The following TJP3 variants were observed in gnomAD, a reference collection of about 807,000 sequenced individuals.
TJP3 encodes tight junction protein 3.
Under a neutral mutation model 104.2 loss-of-function variants are expected in TJP3, and 85 were observed. That is an observed-to-expected ratio of 0.82 (90% CI 0.68 to 0.98). The LOEUF (loss-of-function observed/expected upper bound fraction) is 0.98. Ranked by LOEUF, TJP3 falls within the 50% of genes least tolerant of loss-of-function variation. The probability of loss-of-function intolerance (pLI) is 0.00; values close to 1 mark genes in which losing one functional copy is unlikely to be tolerated. For missense variants in TJP3, 1,367 were observed against 1,322.8 expected, an observed-to-expected ratio of 1.03 and a Z score of -0.52; for synonymous variants, 550 against 550.6, an observed-to-expected ratio of 1.00 and a Z score of 0.02.
At chr19:3,723,926 A>G (rs1446932063) in intron 1 of TJP3, among the ~76,000 whole-genome samples, 1 of 151,884 alleles carries the variant, frequency 6.6e-6, no homozygotes, top group African/African-American at 2.4e-5. Context: ...TTGAGCCTAG[A>G]CCTCAGTGGC....
Position 3,730,572 on chromosome 19 carries a change from A to G in TJP3, c.479A>G (p.His160Arg), listed in dbSNP as rs1318485453. The G allele has an allele frequency of 3.7e-6, 6 of 1,608,362 alleles. No individual in the cohort carries two copies. The highest frequency in any genetic ancestry group is 5.1e-6 in the Non-Finnish European group (6 of 1,179,162). ...RPGRRGRAGSHGRRSPGGGSE... is the reference protein window; with the variant it reads ...RPGRRGRAGSRGRRSPGGGSE... ...GGTCGCCGGGGCCGGGCCGGCAGCC[A>G]TGGGCGTAGGAGCCCAGGTGGTGGC... The change falls in exon 5 of 21, where the codon CAT (histidine) becomes CGT (arginine). Residue 160 changes from histidine to arginine, a missense_variant. His to Arg is a conservative substitution (Grantham distance 29). Coordinates refer to ENST00000541714, the MANE Select transcript of TJP3 (RefSeq NM_001267560.2). The surrounding 1 kb of genome is among the most constrained non-coding windows in gnomAD (Gnocchi z 7.3).
chr19:3,750,114 G>A (rs1034195299), intron 19 of TJP3, 24 bp from the exon 20 acceptor site: 2 of 1,613,944 alleles, frequency 1.2e-6, no homozygotes, highest in African/African-American at 2.7e-5. Context: ...GAGTTTTGAA[G>A]CTCCTCTCTC....
chr19:3,744,806 T>C (rs865786111), intron 15 of TJP3, among the ~76,000 whole-genome samples: 11 of 152,224 alleles, frequency 7.2e-5, no homozygotes, highest in Non-Finnish European at 1.2e-4. Context: ...CGCATGCCTG[T>C]AATCCCAGCT....
rs1386706572 is a variant in TJP3, at chr19:3,743,925, T to A, written c.1844-14T>A. 1.2e-6 allele frequency: 2 copies of A among 1,613,558 alleles called. No individual in the cohort carries two copies. The highest frequency in any genetic ancestry group is 3.3e-5 in the Admixed American group (2 of 59,980). On this transcript the variant is annotated splice_polypyrimidine_tract_variant and intron_variant, in intron 14 of 20. Coordinates refer to ENST00000541714, the MANE Select transcript of TJP3 (RefSeq NM_001267560.2). ...ATGGGACCCTGATTCTTTCACTGTG[T>A]CTCTACCCCTCAGCCAGTTTCAAGC...
intron 14 of TJP3, among the ~76,000 whole-genome samples, chr19:3,741,158 G>C (rs1344604972): frequency 1.3e-5 from 2 of 151,568 alleles, no homozygotes; most frequent in Non-Finnish European, 2.9e-5. Flanking sequence ...CCATCACCCC[G>C]CCCCCAGCTA....
intron 1 of TJP3, among the ~76,000 whole-genome samples, chr19:3,712,243 G>C (rs1272269681): frequency 6.6e-6 from 1 of 152,176 alleles, no homozygotes; most frequent in Non-Finnish European, 1.5e-5. Flanking sequence ...TTGAACCTGG[G>C]AGGCAGAGGT....
chr19:3,733,179 G>A (rs1477407501), intron 6 of TJP3, among the ~76,000 whole-genome samples: 1 of 151,794 alleles, frequency 6.6e-6, no homozygotes, highest in Non-Finnish European at 1.5e-5. Context: ...GGGACCACAG[G>A]CGCCCACCAC....
intron 6 of TJP3, among the ~76,000 whole-genome samples, chr19:3,733,524 GT>G (rs2036698624): frequency 6.6e-6 from 1 of 152,110 alleles, no homozygotes; most frequent in South Asian, 2.1e-4. Flanking sequence ...TTTCCCCAGT[GT>G]CTCCCACCCC....
At chr19:3,743,776 C>G (rs777450819) in intron 14 of TJP3, 163 bp from the exon 15 acceptor site, 42 of 617,174 alleles carry the variant, frequency 6.8e-5, no homozygotes, top group Non-Finnish European at 7.7e-5. Flanking sequence ...TAAGGCTAAC[C>G]TAGCTGCAAA....
Position 3,740,717 on chromosome 19 carries a change from C to T in TJP3, c.1797C>T (p.Thr599=), listed in dbSNP as rs1455586223. 12 of 1,601,020 alleles carry T rather than the reference C, an allele frequency of 7.5e-6. No homozygotes were observed. The highest frequency in any genetic ancestry group is 9.4e-6 in the Non-Finnish European group (11 of 1,174,570). Residue 599 remains threonine (T), a synonymous_variant, in exon 14 of 21, where the codon ACC becomes ACT. Transcript: ENST00000541714. ...GCCGTGAGGACCTCTCAGCTCTGAC[C>T]CGACAGGGCCGCTACCCGCCCTACG... is the stretch of plus-strand genomic sequence containing the variant. ...QRSREDLSAL[T]RQGRYPPYER...
chr19:3,728,748 G>A (rs753390616), intron 3 of TJP3, 35 bp downstream of exon 3: 47 of 1,605,536 alleles, frequency 2.9e-5, no homozygotes, highest in Non-Finnish European at 3.9e-5. Flanking sequence ...TGGCGGGGGA[G>A]GGCACGTGGA....
rs1027268372 is a variant in TJP3, at chr19:3,746,922, G to A, written c.2322+46G>A. 1.6e-5 allele frequency: 25 copies of A among 1,532,478 alleles called. No homozygotes were observed. Among genetic ancestry groups the A allele is most frequent in the East Asian group, 1.2e-4 (5 of 41,908 alleles). 94.9% of individuals were successfully genotyped at this position (1,532,478 alleles called of 1,614,324 possible). On this transcript the variant is annotated intron_variant, in intron 18 of 20. Transcript: ENST00000541714. The surrounding 1 kb of genome is among the most constrained non-coding windows in gnomAD (Gnocchi z 4.1). ...GGTCGGGCAGGGAGGCCCCACAGAC[G>A]CTGTGCAGGCCCAGCTGGGGTTTGG...
chr19:3,742,606 T>G (rs1321544575), intron 14 of TJP3, among the ~76,000 whole-genome samples: 2 of 81,250 alleles, frequency 2.5e-5, no homozygotes, highest in Non-Finnish European at 5.2e-5. Context: ...CCTTTGACAC[T>G]GTCATCGCGC....
chr19:3,720,293 T>C (rs2036529930), intron 1 of TJP3, among the ~76,000 whole-genome samples: 1 of 152,104 alleles, frequency 6.6e-6, no homozygotes, highest in African/African-American at 2.4e-5. Flanking sequence ...CTGACTTGGG[T>C]CTCTGGACTA....
intron 1 of TJP3, among the ~76,000 whole-genome samples, chr19:3,713,465 CG>C (rs1251182978): frequency 6.6e-6 from 1 of 152,214 alleles, no homozygotes; most frequent in Non-Finnish European, 1.5e-5. Context: ...CACAGCCCAG[CG>C]GTGTCTAAGG....
chr19:3,720,077 G>A (rs1051216036), intron 1 of TJP3, among the ~76,000 whole-genome samples: 4 of 152,066 alleles, frequency 2.6e-5, no homozygotes, highest in African/African-American at 9.7e-5. Flanking sequence ...TGACAACCCT[G>A]TGATGTAGGG....
intron 6 of TJP3, among the ~76,000 whole-genome samples, chr19:3,732,826 G>A (rs977592279): frequency 4.2e-4 from 64 of 151,128 alleles, no homozygotes; most frequent in African/African-American, 1.5e-3. Flanking sequence ...TGTATTTTTA[G>A]TAGAGACGGG....
intron 12 of TJP3, 79 bp from the exon 13 acceptor site, chr19:3,738,818 G>A: frequency 1.4e-6 from 2 of 1,426,202 alleles, no homozygotes; most frequent in Admixed American, 1.9e-5. Flanking sequence ...CAAATCTCCA[G>A]CCAGGCCCAC....
rs1393322006 is a variant in TJP3 at position 3,738,923 on chromosome 19, G to A, written c.1420G>A (p.Val474Met). The change falls in exon 13 of 21, where the codon GTG becomes ATG. Residue 474 changes from valine to methionine, a missense_variant. Transcript: ENST00000541714. Reference sequence around the variant, plus strand: ...TTTCTGGAAAATGGTGCAGTCCCGCGTGGGTGACTCCTTCTACATCCGCAC... The same window carrying A: ...TTTCTGGAAAATGGTGCAGTCCCGCATGGGTGACTCCTTCTACATCCGCAC... ...DIFWKMVQSR[V>M]GDSFYIRTHF... 3.7e-6 allele frequency: 6 copies of A among 1,609,404 alleles called. No individual in the cohort carries two copies. Among genetic ancestry groups the A allele is most frequent in the East Asian group, 2.2e-5 (1 of 44,750 alleles).
Sources: allele counts gnomAD v4.1 joint callset (sites outside exome capture counted in the v4.1 genomes callset), GRCh38; gene constraint gnomAD v4.1.1; non-coding constraint Gnocchi (gnomAD v3.1); transcripts MANE v1.5; gene names NCBI Gene and HGNC (gene_info 2026-07-23, HGNC 2026-07-21).